ADAMTSL1: variants seen among roughly 807,000 people sequenced by gnomAD.
ADAMTSL1 encodes the protein ADAMTS-like protein 1.
In ADAMTSL1, 126 loss-of-function variants were observed where a neutral mutation model predicts 201.8. The ratio of observed to expected loss-of-function variants is 0.62; its 90% CI spans 0.54 to 0.72. The LOEUF (loss-of-function observed/expected upper bound fraction) is 0.72, where lower values mean the gene tolerates loss of function less well. ADAMTSL1 is among the 30% of genes least tolerant of loss of function. ADAMTSL1 has a pLI of 0.00. For missense variants in ADAMTSL1, 2,679 were observed against 2,277.8 expected (o/e 1.18, Z -3.59); for synonymous variants, 1,121 against 903.4 (o/e 1.24, Z -4.32).
In ADAMTSL1 at chr9:18,056,132, AT is replaced by A. The variant is rs539997494; in HGVS notation, c.88-107720del. ...AACTGTTAGATTTTTAGAAAGGGTG[AT>A]TTTTTTTTTCTTTCAGCAAAAGCTT... is the stretch of plus-strand genomic sequence containing the variant. On this transcript the variant is annotated intron_variant, in intron 1 of 29. Transcript: ENST00000680146. Among the ~76,000 whole-genome samples the A allele has an allele frequency of 2.8e-3, 402 of 143,020 alleles. 7 individuals carry two copies. In the South Asian group the frequency reaches 0.04, roughly 14 times the overall value. The allele number at this position is 143,020 out of a possible 152,430, so 93.8% of individuals were successfully genotyped here. A position where few individuals can be genotyped will look rare whatever the true frequency, so the allele number is the denominator to read the frequency against.
At chr9:18,241,104 C>T (rs536674869) in intron 2 of ADAMTSL1, among the ~76,000 whole-genome samples, 56 of 152,258 alleles carry the variant, frequency 3.7e-4, no homozygotes, top group African/African-American at 1.3e-3. Context: ...TTTTTAATTT[C>T]CTTCAAGAAC....
At chr9:18,807,050 A>G (rs956804928) in intron 20 of ADAMTSL1, among the ~76,000 whole-genome samples, 2 of 152,226 alleles carry the variant, frequency 1.3e-5, no homozygotes, top group South Asian at 2.1e-4. Flanking sequence ...GAACCGTGCA[A>G]AAATGATTCT....
At chr9:18,151,829 G>T (rs1017382755) in intron 1 of ADAMTSL1, among the ~76,000 whole-genome samples, 1 of 151,992 alleles carries the variant, frequency 6.6e-6, no homozygotes, top group Non-Finnish European at 1.5e-5. Flanking sequence ...AAAATGAGGT[G>T]CCAGGAGTTG....
chr9:18,713,698 A>C (rs1832744165), intron 14 of ADAMTSL1, among the ~76,000 whole-genome samples: 1 of 149,578 alleles, frequency 6.7e-6, no homozygotes, highest in Non-Finnish European at 1.5e-5. Context: ...AACAAGACAG[A>C]AAGTCGACAA....
At chr9:17,956,345 A>G (rs1827931342) in intron 1 of ADAMTSL1, among the ~76,000 whole-genome samples, 1 of 152,156 alleles carries the variant, frequency 6.6e-6, no homozygotes, top group Non-Finnish European at 1.5e-5. Flanking sequence ...TACTTAGCAT[A>G]ATAGTATTGA....
chr9:18,161,718 C>T (rs1827396520), intron 1 of ADAMTSL1, among the ~76,000 whole-genome samples: 1 of 152,054 alleles, frequency 6.6e-6, no homozygotes, highest in African/African-American at 2.4e-5. Context: ...AGGGGAATTA[C>T]ACATGGTCAA....
At chr9:18,611,993 C>G (rs1362036349) in intron 4 of ADAMTSL1, among the ~76,000 whole-genome samples, 1 of 152,028 alleles carries the variant, frequency 6.6e-6, no homozygotes, top group Non-Finnish European at 1.5e-5. Flanking sequence ...GTTGCCCAAG[C>G]TGAAGTCTAT....
At chr9:18,708,642 C>A (rs1457655466) in intron 14 of ADAMTSL1, among the ~76,000 whole-genome samples, 4 of 152,204 alleles carry the variant, frequency 2.6e-5, no homozygotes, top group African/African-American at 4.8e-5. Flanking sequence ...TAGCAGATGA[C>A]TCAGCATTCA....
chr9:18,274,578 T>G (rs1832512996), intron 2 of ADAMTSL1, among the ~76,000 whole-genome samples: 1 of 152,126 alleles, frequency 6.6e-6, no homozygotes, highest in Non-Finnish European at 1.5e-5. Context: ...AAAATATTCA[T>G]TATGCTCATT....
chr9:18,643,902 T>C (rs1394170305), intron 7 of ADAMTSL1, among the ~76,000 whole-genome samples: 1 of 152,002 alleles, frequency 6.6e-6, no homozygotes. Flanking sequence ...GGTTTTTTTT[T>C]CCATTTCTGT....
chr9:17,967,774 G>T (rs1178050285), intron 1 of ADAMTSL1, among the ~76,000 whole-genome samples: 1 of 151,822 alleles, frequency 6.6e-6, no homozygotes, highest in Non-Finnish European at 1.5e-5. Flanking sequence ...ATATTCTTTT[G>T]GTTCTTATAG....
intron 2 of ADAMTSL1, among the ~76,000 whole-genome samples, chr9:18,322,402 G>A (rs1473681422): frequency 2.0e-5 from 3 of 152,172 alleles, no homozygotes; most frequent in African/African-American, 4.8e-5. Flanking sequence ...GGAGGCCGAG[G>A]TGGGTGGCTC....
rs757099432 is a variant in ADAMTSL1 at position 18,829,942 on chromosome 9, A to C, written c.4214A>C (p.Gln1405Pro). 1 of 1,613,608 alleles carries C rather than the reference A, an allele frequency of 6.2e-7. No individual in the cohort carries two copies. The highest frequency in any genetic ancestry group is 8.5e-7 in the Non-Finnish European group (1 of 1,179,772). Residue 1405 changes from glutamine to proline, a missense_variant, in exon 23 of 29, where the codon CAG (glutamine) becomes CCG (proline). Physicochemically the swap from Gln to Pro is moderately conservative, Grantham distance 76 (BLOSUM62 -1). Coordinates refer to ENST00000380548, the MANE Select transcript of ADAMTSL1 (RefSeq NM_001040272.6). ...GTGCTGACGTCTCCTCTGGGAACAC[A>C]GCTGGTCCTGGATCCTGGGAATTCT... ...PSVLTSPLGT[Q>P]LVLDPGNSAL...
intron 1 of ADAMTSL1, among the ~76,000 whole-genome samples, chr9:17,954,110 G>A (rs1827840176): frequency 6.6e-6 from 1 of 152,176 alleles, no homozygotes; most frequent in African/African-American, 2.4e-5. Flanking sequence ...TCTCTAATCT[G>A]TCTATCACCT....
intron 15 of ADAMTSL1, among the ~76,000 whole-genome samples, chr9:18,724,890 A>G (rs1320032198): frequency 4.9e-5 from 7 of 143,804 alleles, no homozygotes. Flanking sequence ...TTAAAACATA[A>G]ATAGCCTCAG....
chr9:18,720,784 T>C (rs1055086662), intron 14 of ADAMTSL1, among the ~76,000 whole-genome samples: 1 of 151,964 alleles, frequency 6.6e-6, no homozygotes, highest in Non-Finnish European at 1.5e-5. Flanking sequence ...TGAAAAAAAA[T>C]TTTAAAATAA....
intron 1 of ADAMTSL1, among the ~76,000 whole-genome samples, chr9:17,932,051 GA>G (rs532647389): frequency 1.1e-4 from 16 of 152,296 alleles, no homozygotes; most frequent in African/African-American, 3.6e-4. Context: ...CACAGGTTTG[GA>G]TATCTTTGTG....
chr9:18,357,185 C>T (rs1047280658), intron 2 of ADAMTSL1, among the ~76,000 whole-genome samples: 2 of 152,040 alleles, frequency 1.3e-5, no homozygotes, highest in African/African-American at 4.8e-5. Flanking sequence ...AGTATATGCC[C>T]TAATCAGAAA....
At chr9:18,585,368 G>T (rs1011312109) in intron 4 of ADAMTSL1, among the ~76,000 whole-genome samples, 1 of 152,070 alleles carries the variant, frequency 6.6e-6, no homozygotes, top group Non-Finnish European at 1.5e-5. Context: ...AGTAAACAAG[G>T]CAGAGCAAAT....
Sources: allele counts gnomAD v4.1 joint callset (sites outside exome capture counted in the v4.1 genomes callset), GRCh38; gene constraint gnomAD v4.1.1; transcripts MANE v1.5; gene names NCBI Gene and HGNC (gene_info 2026-07-23, HGNC 2026-07-21).